Variants in KCNIP4 observed in about 807,000 individuals in gnomAD.
KCNIP4 encodes Kv channel-interacting protein 4.
A neutral mutation model predicts 34.0 loss-of-function variants in KCNIP4; 12 were observed. The observed-to-expected ratio is 0.35, with a 90% CI of 0.23 to 0.57. The LOEUF (loss-of-function observed/expected upper bound fraction) is 0.57. Ranked by LOEUF, KCNIP4 falls within the 20% of genes least tolerant of loss-of-function variation. The pLI is 0.83. For missense variants in KCNIP4, 238 were observed against 311.7 expected (o/e 0.76, Z 1.78); for synonymous variants, 124 against 102.2 (o/e 1.21, Z -1.29).
At chr4:21,912,667 G>A (rs1222125996) in intron 1 of KCNIP4, among the ~76,000 whole-genome samples, 2 of 152,114 alleles carry the variant, frequency 1.3e-5, no homozygotes, top group African/African-American at 4.8e-5. Context: ...CAAAGGTCCT[G>A]AGACTGAAAG....
At chr4:20,877,649 C>A (rs986276747) in intron 2 of KCNIP4, among the ~76,000 whole-genome samples, 1 of 152,118 alleles carries the variant, frequency 6.6e-6, no homozygotes, top group South Asian at 2.1e-4. Flanking sequence ...AATGTGATGA[C>A]TATTTCTTTA....
At chr4:21,795,893 G>A (rs1381216415) in intron 1 of KCNIP4, among the ~76,000 whole-genome samples, 1 of 152,042 alleles carries the variant, frequency 6.6e-6, no homozygotes, top group Non-Finnish European at 1.5e-5. Context: ...CACATGGTGA[G>A]ACCCTGTCTC....
intron 1 of KCNIP4, among the ~76,000 whole-genome samples, chr4:21,011,359 C>G (rs558989583): frequency 6.6e-6 from 1 of 152,156 alleles, no homozygotes; most frequent in Non-Finnish European, 1.5e-5. Flanking sequence ...AAGAGTAACA[C>G]TTCTCAAGTT....
At chr4:21,031,800 C>T (rs1336382397) in intron 1 of KCNIP4, among the ~76,000 whole-genome samples, 1 of 152,158 alleles carries the variant, frequency 6.6e-6, no homozygotes, top group African/African-American at 2.4e-5. Flanking sequence ...AACTCTACAT[C>T]GCTAGCTTTT....
intron 3 of KCNIP4, among the ~76,000 whole-genome samples, chr4:20,803,667 G>C (rs550723437): frequency 3.6e-5 from 5 of 137,334 alleles, no homozygotes; most frequent in Non-Finnish European, 6.1e-5. Flanking sequence ...CAATGAAAGA[G>C]AAAGAAAGAG....
In KCNIP4 at chr4:20,841,802, T is replaced by G. The variant is rs180723337; in HGVS notation, c.288+8741A>C. Among the ~76,000 whole-genome samples, 57 of 151,840 alleles carry G rather than the reference T, an allele frequency of 3.8e-4. 1 individual carries two copies. The highest frequency in any genetic ancestry group is 1.2e-3 in the African/African-American group (49 of 41,522). On this transcript the variant is annotated intron_variant, in intron 3 of 8. Transcript: ENST00000382152. ...ATCTGAACTTTTAAAAACTGGTAGT[T>G]CCCCACTATCCTTAGAATAAAATAC...
intron 1 of KCNIP4, among the ~76,000 whole-genome samples, chr4:21,133,320 G>A (rs1274156546): frequency 6.6e-6 from 1 of 152,178 alleles, no homozygotes; most frequent in Admixed American, 6.5e-5. Context: ...AAATGATGGA[G>A]AGAGAGAGTA....
Position 21,617,820 on chromosome 4 carries a change from C to T in KCNIP4, c.61+330751G>A, listed in dbSNP as rs190198921. On this transcript the variant is annotated intron_variant, in intron 1 of 8. Coordinates refer to ENST00000382152, the MANE Select transcript of KCNIP4 (RefSeq NM_025221.6). ...ACCCCCAGGCAAGAAGAGGAGATCT[C>T]GCTTCTACTTCTGATCATTTGTTTT... Among the ~76,000 whole-genome samples, 23 of 152,276 alleles carry T rather than the reference C, an allele frequency of 1.5e-4. No homozygotes were observed. In the East Asian group the frequency reaches 2.3e-3, roughly 15 times the overall value.
intron 1 of KCNIP4, among the ~76,000 whole-genome samples, chr4:21,038,808 G>A (rs990459827): frequency 6.6e-6 from 1 of 152,122 alleles, no homozygotes; most frequent in African/African-American, 2.4e-5. Flanking sequence ...AGGTTGAGAG[G>A]GATTGTTAAT....
At chr4:21,263,034 T>C (rs946440675) in intron 1 of KCNIP4, among the ~76,000 whole-genome samples, 11 of 152,304 alleles carry the variant, frequency 7.2e-5, no homozygotes, top group African/African-American at 2.6e-4. Context: ...CTGAATTCCT[T>C]CTTCCTGCTC....
chr4:21,591,727 C>T (rs1278981191), intron 1 of KCNIP4, among the ~76,000 whole-genome samples: 1 of 152,042 alleles, frequency 6.6e-6, no homozygotes. Flanking sequence ...TTGATTTTAC[C>T]TTTAAAAACC....
intron 1 of KCNIP4, among the ~76,000 whole-genome samples, chr4:21,012,570 T>TCAAAG (rs774525136): frequency 1.3e-5 from 2 of 152,182 alleles, no homozygotes; most frequent in East Asian, 3.9e-4. Flanking sequence ...TTGGCTCGAA[T>TCAAAG]CAAAGCAAAA....
At chr4:21,384,998 T>G (rs908888412) in intron 1 of KCNIP4, among the ~76,000 whole-genome samples, 2 of 152,218 alleles carry the variant, frequency 1.3e-5, no homozygotes, top group African/African-American at 2.4e-5. Context: ...CTTATTGATC[T>G]CCATTTATTT....
intron 1 of KCNIP4, among the ~76,000 whole-genome samples, chr4:21,279,485 TTATA>T (rs368733787): frequency 2.7e-5 from 4 of 147,770 alleles, no homozygotes; most frequent in African/African-American, 7.4e-5. Flanking sequence ...ACTTTAAAGA[TTATA>T]TATATATATA....
chr4:21,117,783 C>A (rs1465708044), intron 1 of KCNIP4, among the ~76,000 whole-genome samples: 1 of 152,080 alleles, frequency 6.6e-6, no homozygotes, highest in Non-Finnish European at 1.5e-5. Context: ...GTCATCCCTA[C>A]TTGTTTTGCC....
At chr4:20,940,269 G>T (rs1477246074) in intron 1 of KCNIP4, among the ~76,000 whole-genome samples, 1 of 152,116 alleles carries the variant, frequency 6.6e-6, no homozygotes, top group Non-Finnish European at 1.5e-5. Context: ...GTTCTAAAAT[G>T]AGTAATTATT....
chr4:21,415,537 CA>C (rs77356407), intron 1 of KCNIP4, among the ~76,000 whole-genome samples: 1,609 of 128,120 alleles, frequency 0.013, 15 homozygotes, highest in African/African-American at 0.033. Context: ...ACTAAAATTA[CA>C]AAAAAAAAAA....
At chr4:21,822,393 A>G (rs1406704395) in intron 1 of KCNIP4, among the ~76,000 whole-genome samples, 1 of 152,170 alleles carries the variant, frequency 6.6e-6, no homozygotes, top group African/African-American at 2.4e-5. Flanking sequence ...CCAGAGTCTC[A>G]ACCCAATAAT....
chr4:21,218,406 T>G (rs554704721), intron 1 of KCNIP4, among the ~76,000 whole-genome samples: 76 of 152,302 alleles, frequency 5.0e-4, no homozygotes, highest in Admixed American at 1.0e-3. Context: ...ATTATCAGTA[T>G]TCTTCATTTC....
Sources: gnomAD v4.1 joint callset for allele counts (sites outside exome capture counted in the v4.1 genomes callset) on GRCh38, gnomAD v4.1.1 for gene constraint, MANE v1.5 for transcripts, NCBI Gene and HGNC (gene_info 2026-07-23, HGNC 2026-07-21) for gene names.